Variants in ASB3 observed in about 807,000 individuals in gnomAD.
ASB3 encodes the protein ankyrin repeat and SOCS box containing 3.
In ASB3, 41 loss-of-function variants were observed where a neutral mutation model predicts 54.5. That is an observed-to-expected ratio of 0.75 (90% CI 0.59 to 0.98). The LOEUF (loss-of-function observed/expected upper bound fraction) is 0.98. Among genes scored for constraint, ASB3 ranks in the 50% least tolerant of loss-of-function variants. ASB3 has a pLI of 0.00. For synonymous variants in ASB3, 266 were observed against 221.2 expected, an observed-to-expected ratio of 1.20 and a Z score of -1.80; for missense variants, 733 against 620.0, an observed-to-expected ratio of 1.18 and a Z score of -1.94.
intron 1 of ASB3, among the ~76,000 whole-genome samples, chr2:53,776,099 T>C (rs1358683507): frequency 1.3e-5 from 2 of 152,216 alleles, no homozygotes; most frequent in Non-Finnish European, 2.9e-5. Flanking sequence ...ATATACTTAC[T>C]AAAAGCTCCT....
intron 1 of ASB3, chr2:53,771,854 A>G (rs1673935307): frequency 4.1e-6 from 4 of 973,842 alleles, no homozygotes; most frequent in Non-Finnish European, 6.4e-6. Flanking sequence ...ATGCTCAGCT[A>G]CTTAATGAAC....
intron 2 of ASB3, among the ~76,000 whole-genome samples, chr2:53,762,912 T>C (rs930085757): frequency 3.9e-5 from 6 of 152,220 alleles, no homozygotes; most frequent in African/African-American, 1.2e-4. Context: ...GTACTCAGAA[T>C]GGATTCCAAA....
intron 3 of ASB3, among the ~76,000 whole-genome samples, chr2:53,741,809 A>G (rs1367858006): frequency 6.6e-6 from 1 of 152,210 alleles, no homozygotes; most frequent in Admixed American, 6.5e-5. Flanking sequence ...CATCAGCAAG[A>G]AAAATAAAAT....
chr2:53,685,310 T>C (rs1319018446), intron 9 of ASB3, among the ~76,000 whole-genome samples: 1 of 152,164 alleles, frequency 6.6e-6, no homozygotes, highest in Non-Finnish European at 1.5e-5. Flanking sequence ...AAGAATGGAT[T>C]TGGAGGATAA....
rs149162759 is a variant in ASB3, at chr2:53,729,551, T to C, written c.375A>G (p.Ile125Met). ...PLFLAVENGQ[I>M]DVLRLLLQHG... ...GTTGAAGCAACAGCCTTAACACATC[T>C]ATCTGTCCATTTTCAACAGCTGTAA... Residue 125 changes from isoleucine (I) to methionine (M), a missense_variant, in exon 4 of 10, where the codon ATA (isoleucine) becomes ATG (methionine). By Grantham distance (10) the Ile-to-Met change is conservative. Transcript: ENST00000263634. 97 of 1,613,702 alleles carry C rather than the reference T, an allele frequency of 6.0e-5. No individual in the cohort carries two copies. Among genetic ancestry groups the C allele is most frequent in the Non-Finnish European group, 7.8e-5 (92 of 1,179,764 alleles).
At chr2:53,767,331 CTT>C (rs372243498) in intron 1 of ASB3, 1 of 152,018 alleles carries the variant, frequency 6.6e-6, no homozygotes, top group Non-Finnish European at 1.5e-5. Context: ...AGGCAAAAGA[CTT>C]TTTTTTCAGG....
intron 9 of ASB3, among the ~76,000 whole-genome samples, chr2:53,676,733 A>T (rs1462875278): frequency 6.6e-6 from 1 of 152,112 alleles, no homozygotes; most frequent in Admixed American, 6.6e-5. Flanking sequence ...TGCCCTATAC[A>T]GATCTACCAT....
In ASB3 at chr2:53,714,560, T is replaced by C; in HGVS notation, c.804A>G (p.Pro268=). 1.9e-6 allele frequency: 3 copies of C among 1,614,148 alleles called. No individual in the cohort carries two copies. Among genetic ancestry groups the C allele is most frequent in the East Asian group, 2.2e-5 (1 of 44,876 alleles). The part of the protein sequence containing the change: ...GHTKILDLLI[P]LTNRACDTGL... Reference sequence around the variant, plus strand: ...CAGTGTCACAGGCCCGGTTAGTAAGTGGTATTAACAAGTCCAAGATTCTAT... The same window carrying C: ...CAGTGTCACAGGCCCGGTTAGTAAGCGGTATTAACAAGTCCAAGATTCTAT... Residue 268 remains proline, a synonymous_variant, in exon 7 of 10, where the codon CCA becomes CCG. Coordinates refer to ENST00000263634, the MANE Select transcript of ASB3 (RefSeq NM_016115.5).
At chr2:53,736,377 C>A (rs1306554279) in intron 3 of ASB3, among the ~76,000 whole-genome samples, 1 of 152,098 alleles carries the variant, frequency 6.6e-6, no homozygotes, top group East Asian at 1.9e-4. Context: ...ACTATCATAT[C>A]CAGGTGGTGG....
At chr2:53,698,339 C>G (rs114688418) in intron 8 of ASB3, among the ~76,000 whole-genome samples, 39 of 152,314 alleles carry the variant, frequency 2.6e-4, no homozygotes, top group African/African-American at 9.4e-4. Flanking sequence ...ATCTGCTCAG[C>G]AAAGGGTTGC....
At chr2:53,768,926 TA>T (rs1388663012) in intron 1 of ASB3, among the ~76,000 whole-genome samples, 1 of 152,216 alleles carries the variant, frequency 6.6e-6, no homozygotes, top group African/African-American at 2.4e-5. Context: ...ATCAAGGCGC[TA>T]AAGTAGTTTG....
intron 1 of ASB3, among the ~76,000 whole-genome samples, chr2:53,775,869 A>G (rs770070938): frequency 2.0e-5 from 3 of 152,180 alleles, no homozygotes; most frequent in Admixed American, 6.5e-5. Flanking sequence ...TTACCTGATT[A>G]TTTGTACGTA....
At chr2:53,756,093 G>A (rs935009742) in intron 2 of ASB3, among the ~76,000 whole-genome samples, 2 of 151,490 alleles carry the variant, frequency 1.3e-5, no homozygotes, top group African/African-American at 4.8e-5. Context: ...TTGAGCCCAA[G>A]AGTTGGAGGC....
chr2:53,736,788 G>C (rs150811120), intron 3 of ASB3, among the ~76,000 whole-genome samples: 1 of 151,482 alleles, frequency 6.6e-6, no homozygotes, highest in African/African-American at 2.4e-5. Context: ...GATCACCTGA[G>C]GTCAGGAATT....
At chr2:53,739,628 T>C (rs1348820446) in intron 3 of ASB3, among the ~76,000 whole-genome samples, 9 of 152,202 alleles carry the variant, frequency 5.9e-5, no homozygotes, top group African/African-American at 2.2e-4. Flanking sequence ...AAAATTACAG[T>C]GAGTTTTATC....
At chr2:53,724,552 T>C (rs565509283) in intron 5 of ASB3, among the ~76,000 whole-genome samples, 6 of 150,430 alleles carry the variant, frequency 4.0e-5, no homozygotes, top group South Asian at 2.1e-4. Context: ...TGAGCAGAGA[T>C]AGTGCCACTG....
intron 7 of ASB3, among the ~76,000 whole-genome samples, chr2:53,704,015 T>G (rs1451480315): frequency 6.6e-6 from 1 of 152,198 alleles, no homozygotes; most frequent in East Asian, 1.9e-4. Flanking sequence ...TGACCAAATT[T>G]GAATTCTTAT....
intron 3 of ASB3, among the ~76,000 whole-genome samples, chr2:53,736,305 C>A (rs931732170): frequency 6.6e-6 from 1 of 152,118 alleles, no homozygotes. Context: ...ACAACACCAC[C>A]CACCAGAATA....
chr2:53,707,269 C>G (rs899698972), intron 7 of ASB3, among the ~76,000 whole-genome samples: 9 of 152,178 alleles, frequency 5.9e-5, no homozygotes, highest in African/African-American at 2.2e-4. Flanking sequence ...CCAATTTGGG[C>G]AGCACAGCTC....
Sources: gnomAD v4.1 joint callset for allele counts (sites outside exome capture counted in the v4.1 genomes callset) on GRCh38, gnomAD v4.1.1 for gene constraint, MANE v1.5 for transcripts, NCBI Gene and HGNC (gene_info 2026-07-23, HGNC 2026-07-21) for gene names.